KCNIP4: variants seen among roughly 807,000 people sequenced by gnomAD.
KCNIP4 encodes Kv channel-interacting protein 4.
A neutral mutation model predicts 34.0 loss-of-function variants in KCNIP4; 12 were observed. The ratio of observed to expected loss-of-function variants is 0.35; its 90% CI spans 0.23 to 0.57. The LOEUF is 0.57. Ranked by LOEUF, KCNIP4 falls within the 20% of genes least tolerant of loss-of-function variation. KCNIP4 has a pLI of 0.83. For missense variants in KCNIP4, 238 were observed against 311.7 expected (o/e 0.76, Z 1.78); for synonymous variants, 124 against 102.2 (o/e 1.21, Z -1.29).
chr4:21,110,078 A>G (rs1749020590), intron 1 of KCNIP4, among the ~76,000 whole-genome samples: 1 of 152,192 alleles, frequency 6.6e-6, no homozygotes, highest in African/African-American at 2.4e-5. Context: ...TTGAGATCAA[A>G]TATTTAACCC....
intron 1 of KCNIP4, among the ~76,000 whole-genome samples, chr4:21,352,032 A>G (rs1578115645): frequency 6.6e-6 from 1 of 152,292 alleles, no homozygotes; most frequent in East Asian, 1.9e-4. Flanking sequence ...CATTTGGTTG[A>G]ATAATTGATA....
chr4:20,897,139 T>G (rs1726631925), intron 1 of KCNIP4, among the ~76,000 whole-genome samples: 2 of 152,138 alleles, frequency 1.3e-5, no homozygotes, highest in Admixed American at 1.3e-4. Flanking sequence ...TTCAATTAAT[T>G]AATTAATCAC....
intron 1 of KCNIP4, among the ~76,000 whole-genome samples, chr4:21,943,014 C>T (rs532682092): frequency 1.3e-5 from 2 of 152,302 alleles, no homozygotes; most frequent in African/African-American, 4.8e-5. Context: ...CAGCCTCGGC[C>T]TCCCAAAGTG....
At chr4:21,130,012 C>A (rs1750940433) in intron 1 of KCNIP4, among the ~76,000 whole-genome samples, 1 of 152,102 alleles carries the variant, frequency 6.6e-6, no homozygotes, top group Non-Finnish European at 1.5e-5. Context: ...TGGCAAGTGG[C>A]AATGTGATTT....
In KCNIP4 at chr4:20,899,876, G is replaced by A. The variant is rs1577336359; in HGVS notation, c.62-17167C>T. Among the ~76,000 whole-genome samples the A allele has an allele frequency of 2.0e-5, 3 of 152,164 alleles. 1 individual carries two copies. The East Asian group carries it at 5.8e-4, about 29-fold the overall frequency. On this transcript the variant is annotated intron_variant, in intron 1 of 8. Coordinates refer to ENST00000382152, the MANE Select transcript of KCNIP4 (RefSeq NM_025221.6). ...TCTTCAAATAGAACATGATCCCTGT[G>A]TAATTCACTCTGACTAGGCTTCATC... is the stretch of plus-strand genomic sequence containing the variant.
chr4:21,061,248 A>G (rs1287587198), intron 1 of KCNIP4, among the ~76,000 whole-genome samples: 1 of 152,144 alleles, frequency 6.6e-6, no homozygotes, highest in Non-Finnish European at 1.5e-5. Flanking sequence ...CGGAGCTTTA[A>G]ATATATACTA....
chr4:21,137,782 A>G (rs1485831712), intron 1 of KCNIP4, among the ~76,000 whole-genome samples: 1 of 152,036 alleles, frequency 6.6e-6, no homozygotes, highest in African/African-American at 2.4e-5. Flanking sequence ...TAGTAATAAA[A>G]ACTCTAGATG....
intron 1 of KCNIP4, among the ~76,000 whole-genome samples, chr4:21,256,359 T>C (rs1761061488): frequency 6.8e-6 from 1 of 146,342 alleles, no homozygotes; most frequent in Admixed American, 7.0e-5. Flanking sequence ...TCCGGGATGA[T>C]GGCTTGAGCC....
chr4:21,800,187 C>A (rs577997453), intron 1 of KCNIP4, among the ~76,000 whole-genome samples: 66 of 152,208 alleles, frequency 4.3e-4, no homozygotes, highest in African/African-American at 1.6e-3. Flanking sequence ...TTATCAGTGA[C>A]AAAATTATTT....
At chr4:21,825,499 C>T (rs1179773432) in intron 1 of KCNIP4, among the ~76,000 whole-genome samples, 1 of 152,106 alleles carries the variant, frequency 6.6e-6, no homozygotes, top group Non-Finnish European at 1.5e-5. Context: ...GTCAGATCAT[C>T]AGGCTGCTTG....
At chr4:21,251,066 A>C (rs1027330497) in intron 1 of KCNIP4, among the ~76,000 whole-genome samples, 2 of 152,188 alleles carry the variant, frequency 1.3e-5, no homozygotes, top group East Asian at 1.9e-4. Flanking sequence ...TTGAAGAAAT[A>C]GACTCAATTT....
At chr4:21,734,476 A>T (rs932941142) in intron 1 of KCNIP4, among the ~76,000 whole-genome samples, 3 of 152,196 alleles carry the variant, frequency 2.0e-5, no homozygotes, top group Non-Finnish European at 1.5e-5. Flanking sequence ...TCTACAGGAA[A>T]CTTCAGAAAA....
At chr4:21,630,209 G>A (rs1745651264) in intron 1 of KCNIP4, among the ~76,000 whole-genome samples, 1 of 151,438 alleles carries the variant, frequency 6.6e-6, no homozygotes, top group South Asian at 2.1e-4. Flanking sequence ...GCTCATGCCT[G>A]TAATCCCAGC....
chr4:21,316,284 CT>C (rs1224226032), intron 1 of KCNIP4: 2 of 152,132 alleles, frequency 1.3e-5, no homozygotes, highest in Admixed American at 1.3e-4. Flanking sequence ...CTCCTCAGTA[CT>C]TATCCATGTG....
chr4:21,689,099 A>G (rs1751042732), intron 1 of KCNIP4, among the ~76,000 whole-genome samples: 1 of 152,086 alleles, frequency 6.6e-6, no homozygotes, highest in Non-Finnish European at 1.5e-5. Context: ...GTTCAGCAGA[A>G]CCACGAGACT....
chr4:21,856,233 A>G (rs1029668008), intron 1 of KCNIP4, among the ~76,000 whole-genome samples: 2 of 152,332 alleles, frequency 1.3e-5, no homozygotes, highest in African/African-American at 2.4e-5. Flanking sequence ...ACTCTACTCT[A>G]TATCTTATTA....
At chr4:21,836,403 G>C (rs977062910) in intron 1 of KCNIP4, among the ~76,000 whole-genome samples, 1 of 152,072 alleles carries the variant, frequency 6.6e-6, no homozygotes, top group Non-Finnish European at 1.5e-5. Flanking sequence ...ACTATAGCCC[G>C]CTGGGAAAAC....
At chr4:20,772,603 C>T (rs1756000914) in intron 3 of KCNIP4, among the ~76,000 whole-genome samples, 1 of 151,498 alleles carries the variant, frequency 6.6e-6, no homozygotes, top group South Asian at 2.1e-4. Flanking sequence ...ACATTTTATA[C>T]ATTTTATTAT....
At chr4:21,292,431 C>T (rs955755128) in intron 1 of KCNIP4, among the ~76,000 whole-genome samples, 1 of 152,106 alleles carries the variant, frequency 6.6e-6, no homozygotes, top group Non-Finnish European at 1.5e-5. Context: ...CATTTGCCAC[C>T]GAGTCTTTCC....
Sources: allele counts gnomAD v4.1 joint callset (sites outside exome capture counted in the v4.1 genomes callset), GRCh38; gene constraint gnomAD v4.1.1; transcripts MANE v1.5; gene names NCBI Gene and HGNC (gene_info 2026-07-23, HGNC 2026-07-21).